The following GRIN3A variants were observed in gnomAD, a reference collection of about 807,000 sequenced individuals.
The protein encoded by GRIN3A is glutamate receptor ionotropic, NMDA 3A.
In GRIN3A, 47 loss-of-function variants were observed where a neutral mutation model predicts 92.4. The observed-to-expected ratio is 0.51, with a 90% CI of 0.40 to 0.65. GRIN3A has a LOEUF of 0.65. GRIN3A is among the 30% of genes least tolerant of loss of function. The probability of loss-of-function intolerance (pLI) is 0.00; values close to 1 mark genes in which losing one functional copy is unlikely to be tolerated. For synonymous variants in GRIN3A, 527 were observed against 540.6 expected (o/e 0.97, Z 0.35); for missense variants, 1,324 against 1,393.1 (o/e 0.95, Z 0.79).
intron 8 of GRIN3A, among the ~76,000 whole-genome samples, chr9:101,576,334 G>A (rs1181550212): frequency 6.6e-6 from 1 of 152,172 alleles, no homozygotes; most frequent in Non-Finnish European, 1.5e-5. Context: ...GGTTGCTAAT[G>A]TTGGGTTGTA....
chr9:101,729,638 A>C (rs188703350), intron 1 of GRIN3A, among the ~76,000 whole-genome samples: 1 of 152,274 alleles, frequency 6.6e-6, no homozygotes, highest in East Asian at 1.9e-4. Context: ...CACATCTTCA[A>C]AGTCCTTTTG....
At chr9:101,721,884 A>T (rs1303196422) in intron 1 of GRIN3A, among the ~76,000 whole-genome samples, 1 of 152,220 alleles carries the variant, frequency 6.6e-6, no homozygotes, top group East Asian at 1.9e-4. Context: ...ACAAAGGTTC[A>T]GAAAATTTGC....
intron 5 of GRIN3A, among the ~76,000 whole-genome samples, chr9:101,618,734 A>T (rs1229186752): frequency 1.3e-5 from 2 of 152,230 alleles, no homozygotes; most frequent in African/African-American, 4.8e-5. Flanking sequence ...AATCCATTTT[A>T]TTCAAAAACA....
chr9:101,611,794 A>C (rs1267630268), intron 6 of GRIN3A, among the ~76,000 whole-genome samples: 1 of 152,242 alleles, frequency 6.6e-6, no homozygotes, highest in African/African-American at 2.4e-5. Flanking sequence ...CTATGACATA[A>C]TGTGAGATAT....
chr9:101,641,414 A>C (rs1214905413), intron 3 of GRIN3A, among the ~76,000 whole-genome samples: 1 of 152,236 alleles, frequency 6.6e-6, no homozygotes, highest in Non-Finnish European at 1.5e-5. Flanking sequence ...AGATTGGATT[A>C]AGAAAATGTG....
intron 6 of GRIN3A, among the ~76,000 whole-genome samples, chr9:101,603,256 A>G (rs1007476590): frequency 1.4e-4 from 21 of 152,238 alleles, no homozygotes; most frequent in African/African-American, 4.1e-4. Context: ...GATGGGCCTA[A>G]GAGGGTGGGT....
chr9:101,622,196 A>G (rs1828566491), intron 5 of GRIN3A, among the ~76,000 whole-genome samples: 2 of 152,226 alleles, frequency 1.3e-5, no homozygotes, highest in Admixed American at 6.5e-5. Flanking sequence ...AAACATTTTA[A>G]TCTGCTGATA....
chr9:101,646,827 T>C (rs952434180), intron 3 of GRIN3A, among the ~76,000 whole-genome samples: 12 of 151,862 alleles, frequency 7.9e-5, no homozygotes, highest in African/African-American at 2.9e-4. Context: ...TGTTGGTACA[T>C]ATAAATGCTA....
chr9:101,634,177 CAA>C (rs1828749807), intron 3 of GRIN3A, among the ~76,000 whole-genome samples: 1 of 151,636 alleles, frequency 6.6e-6, no homozygotes, highest in African/African-American at 2.4e-5. Context: ...ACTAAAAATA[CAA>C]AAAGTTAGTT....
At chr9:101,585,486 C>T (rs1414965097) in intron 6 of GRIN3A, among the ~76,000 whole-genome samples, 1 of 152,164 alleles carries the variant, frequency 6.6e-6, no homozygotes, top group Non-Finnish European at 1.5e-5. Context: ...AAAGATAACA[C>T]ATTAAAAGCA....
rs1215553349 is a variant in GRIN3A at position 101,670,871 on chromosome 9, T to C, written c.1541A>G (p.His514Arg). 3.1e-6 allele frequency: 5 copies of C among 1,612,620 alleles called. No individual in the cohort carries two copies. The highest frequency in any genetic ancestry group is 1.7e-5 in the Admixed American group (1 of 59,920). ...KTHFQHPSKLHLRVVTLIEHP... is the reference protein window; with the variant it reads ...KTHFQHPSKLRLRVVTLIEHP... The stretch of plus-strand genomic sequence containing the variant: ...CTCAATCAGGGTAACCACTCTCAAG[T>C]GTAGCTTACTTGGATGTTGGAAGTG... Residue 514 changes from histidine to arginine, a missense_variant, in exon 3 of 9, where the codon CAC (histidine) becomes CGC (arginine). Physicochemically the swap from His to Arg is conservative, Grantham distance 29. Coordinates refer to ENST00000361820, the MANE Select transcript of GRIN3A (RefSeq NM_133445.3).
intron 1 of GRIN3A, among the ~76,000 whole-genome samples, chr9:101,717,418 C>T (rs1200378048): frequency 6.6e-6 from 1 of 152,170 alleles, no homozygotes; most frequent in Non-Finnish European, 1.5e-5. Flanking sequence ...ATCTGGGAAT[C>T]TACATTTTGA....
intron 1 of GRIN3A, among the ~76,000 whole-genome samples, chr9:101,721,221 C>T (rs1281812342): frequency 6.6e-6 from 1 of 152,130 alleles, no homozygotes; most frequent in Non-Finnish European, 1.5e-5. Flanking sequence ...GTGAATGAGT[C>T]TTACAAGATC....
At chr9:101,692,642 T>C (rs1251932567) in intron 1 of GRIN3A, among the ~76,000 whole-genome samples, 1 of 152,174 alleles carries the variant, frequency 6.6e-6, no homozygotes, top group African/African-American at 2.4e-5. Context: ...AGATGAAATT[T>C]CCTTCCTTTC....
At chr9:101,576,884 A>G (rs1021411979) in intron 8 of GRIN3A, among the ~76,000 whole-genome samples, 8 of 152,114 alleles carry the variant, frequency 5.3e-5, no homozygotes, top group Admixed American at 1.3e-4. Context: ...AACAAAAAGA[A>G]TCCTGTTTTC....
rs1829216647 is a variant in GRIN3A at position 101,664,724 on chromosome 9, G to C, written c.2352+5336C>G. 2.0e-5 allele frequency among the ~76,000 whole-genome samples: 3 copies of C among 152,070 alleles called. No individual in the cohort carries two copies. The South Asian group carries it at 6.2e-4, about 32-fold the overall frequency. ...CTTTTAATTTTATTTCTGATTCAAA[G>C]TAGTTGGTTAAAGCCAATGAATTTC... On this transcript the variant is annotated intron_variant, in intron 3 of 8. Coordinates refer to ENST00000361820, the MANE Select transcript of GRIN3A (RefSeq NM_133445.3).
chr9:101,645,810 C>T (rs1417770483), intron 3 of GRIN3A, among the ~76,000 whole-genome samples: 1 of 150,486 alleles, frequency 6.6e-6, no homozygotes, highest in Non-Finnish European at 1.5e-5. Context: ...TTTGCATTTC[C>T]CTTATGATTA....
At chr9:101,649,774 C>T (rs201561083) in intron 3 of GRIN3A, among the ~76,000 whole-genome samples, 5 of 151,848 alleles carry the variant, frequency 3.3e-5, no homozygotes, top group East Asian at 3.9e-4. Flanking sequence ...TCTGTTCTGC[C>T]GTTTTGCTGA....
In GRIN3A at chr9:101,686,963, T is replaced by A. The variant is rs756334859; in HGVS notation, c.937A>T (p.Ile313Phe). 2.5e-6 allele frequency: 4 copies of A among 1,613,992 alleles called. No homozygotes were observed. The highest frequency in any genetic ancestry group is 1.6e-4 in the Middle Eastern group (1 of 6,084). Residue 313 changes from isoleucine (I) to phenylalanine (F), a missense_variant, in exon 2 of 9, where the codon ATC becomes TTC. Transcript: ENST00000361820. ...CTGTTCTTAATACTCTCAAGCTGGA[T>A]CTGTAGGAAGCTCAAGAGGTCCTGG... ...STQDLLSFLQ[I>F]QLESIKNSTP...
Sources: gnomAD v4.1 joint callset for allele counts (sites outside exome capture counted in the v4.1 genomes callset) on GRCh38, gnomAD v4.1.1 for gene constraint, MANE v1.5 for transcripts, NCBI Gene and HGNC (gene_info 2026-07-23, HGNC 2026-07-21) for gene names.